Variants in ADGRL3 observed in about 807,000 individuals in gnomAD.
The protein encoded by ADGRL3 is calcium-independent alpha-latrotoxin receptor 3.
Under a neutral mutation model 153.5 loss-of-function variants are expected in ADGRL3, and 62 were observed. The observed-to-expected ratio is 0.40, with a 90% CI of 0.33 to 0.50. ADGRL3 has a LOEUF of 0.50. ADGRL3 is among the 20% of genes least tolerant of loss of function. The pLI is 0.47. For synonymous variants in ADGRL3, 710 were observed against 672.5 expected (o/e 1.06, Z -0.86); for missense variants, 1,641 against 1,859.4 (o/e 0.88, Z 2.16).
chr4:61,247,327 A>G (rs1448857970), intron 1 of ADGRL3, among the ~76,000 whole-genome samples: 1 of 152,094 alleles, frequency 6.6e-6, no homozygotes, highest in Non-Finnish European at 1.5e-5. Context: ...CTGCCTGTGT[A>G]TGTTCTCCTA....
intron 18 of ADGRL3, among the ~76,000 whole-genome samples, chr4:61,982,071 G>C (rs935078296): frequency 3.9e-5 from 6 of 152,118 alleles, no homozygotes; most frequent in African/African-American, 1.2e-4. Flanking sequence ...ATGGAAAATT[G>C]TGTTATTTTC....
intron 1 of ADGRL3, among the ~76,000 whole-genome samples, chr4:61,306,742 C>T (rs1390174352): frequency 6.6e-6 from 1 of 152,118 alleles, no homozygotes; most frequent in Non-Finnish European, 1.5e-5. Flanking sequence ...CAATTTTATA[C>T]AACTATGCAA....
At chr4:61,418,157 A>T (rs1025228187) in intron 2 of ADGRL3, among the ~76,000 whole-genome samples, 1 of 152,224 alleles carries the variant, frequency 6.6e-6, no homozygotes, top group Non-Finnish European at 1.5e-5. Context: ...ATTTCATGTA[A>T]GATTGCTACC....
At chr4:61,906,550 T>C (rs973481472) in intron 11 of ADGRL3, 4 of 152,146 alleles carry the variant, frequency 2.6e-5, no homozygotes, top group African/African-American at 4.8e-5. Flanking sequence ...TGTGGGATTA[T>C]TTCTTGTGGT....
intron 21 of ADGRL3, among the ~76,000 whole-genome samples, chr4:62,001,834 G>A (rs951767186): frequency 2.6e-5 from 4 of 152,044 alleles, no homozygotes; most frequent in Non-Finnish European, 4.4e-5. Context: ...AAAAATGTTT[G>A]TAAAATGGTG....
chr4:61,786,139 C>T (rs147006184), intron 8 of ADGRL3, among the ~76,000 whole-genome samples: 1 of 152,296 alleles, frequency 6.6e-6, no homozygotes, highest in African/African-American at 2.4e-5. Context: ...CATGTTTCCA[C>T]TGAACCATAC....
intron 1 of ADGRL3, among the ~76,000 whole-genome samples, chr4:61,365,258 A>G (rs2096374247): frequency 6.6e-6 from 1 of 152,198 alleles, no homozygotes. Flanking sequence ...TTACAAAAAA[A>G]AAAAATTGAA....
At chr4:61,647,167 G>A (rs956131671) in intron 5 of ADGRL3, among the ~76,000 whole-genome samples, 6 of 152,008 alleles carry the variant, frequency 3.9e-5, no homozygotes, top group Admixed American at 6.6e-5. Context: ...ACTGGCCTGC[G>A]CCCACTGTCT....
chr4:61,498,614 A>G (rs2152815604), intron 3 of ADGRL3, among the ~76,000 whole-genome samples: 1 of 152,276 alleles, frequency 6.6e-6, no homozygotes, highest in South Asian at 2.1e-4. Context: ...CTTTTTAAAG[A>G]AAGGTGTGAT....
intron 25 of ADGRL3, among the ~76,000 whole-genome samples, chr4:62,054,152 A>T (rs1004376631): frequency 1.3e-5 from 2 of 151,644 alleles, no homozygotes; most frequent in African/African-American, 2.4e-5. Context: ...ACTGTGGTTT[A>T]CTGCTATTTT....
At chr4:61,840,814 T>G (rs2098019087) in intron 9 of ADGRL3, among the ~76,000 whole-genome samples, 1 of 152,182 alleles carries the variant, frequency 6.6e-6, no homozygotes. Context: ...TCTGAATGAT[T>G]TATCAAAACA....
At chr4:61,874,785 T>C (rs1316975595) in intron 9 of ADGRL3, among the ~76,000 whole-genome samples, 1 of 121,900 alleles carries the variant, frequency 8.2e-6, no homozygotes, top group Non-Finnish European at 1.6e-5. Flanking sequence ...GACATCAAAA[T>C]GCTCTTTTTT....
intron 14 of ADGRL3, among the ~76,000 whole-genome samples, chr4:61,935,401 A>G (rs1000131390): frequency 7.2e-5 from 11 of 152,164 alleles, no homozygotes; most frequent in African/African-American, 2.7e-4. Flanking sequence ...TTCACATTAT[A>G]AAGAAATAAG....
chr4:61,550,786 T>C (rs896102600), intron 4 of ADGRL3, among the ~76,000 whole-genome samples: 1 of 152,028 alleles, frequency 6.6e-6, no homozygotes, highest in Non-Finnish European at 1.5e-5. Flanking sequence ...GTGAAGTGAA[T>C]TGATTTGGAG....
At chr4:61,784,241 T>C (rs1023599874) in intron 8 of ADGRL3, among the ~76,000 whole-genome samples, 1 of 152,106 alleles carries the variant, frequency 6.6e-6, no homozygotes, top group Admixed American at 6.6e-5. Flanking sequence ...AATCAAATGG[T>C]TTTGAACAGC....
chr4:61,666,520 A>G (rs1283950299), intron 5 of ADGRL3, among the ~76,000 whole-genome samples: 1 of 144,248 alleles, frequency 6.9e-6, no homozygotes, highest in African/African-American at 2.6e-5. Flanking sequence ...ATTGAAGTAT[A>G]ATGAATTAAA....
At chr4:61,375,547 T>C (rs926740951) in intron 1 of ADGRL3, among the ~76,000 whole-genome samples, 3 of 152,160 alleles carry the variant, frequency 2.0e-5, no homozygotes, top group African/African-American at 7.2e-5. Context: ...GGTTAGATTT[T>C]GGTATGTTTA....
chr4:61,237,298 A>G (rs1753212123), intron 1 of ADGRL3, among the ~76,000 whole-genome samples: 1 of 152,176 alleles, frequency 6.6e-6, no homozygotes, highest in Non-Finnish European at 1.5e-5. Flanking sequence ...TATTTTATCC[A>G]TACATAAGTG....
Position 61,935,008 on chromosome 4 carries a change from A to G in ADGRL3, c.2281A>G (p.Asn761Asp). 1 of 1,613,644 alleles carries G rather than the reference A, an allele frequency of 6.2e-7. No individual in the cohort carries two copies. Among genetic ancestry groups the G allele is most frequent in the African/African-American group, 1.3e-5 (1 of 75,006 alleles). The change falls in exon 14 of 27, where the codon AAT (asparagine) becomes GAT (aspartate). Residue 761 changes from asparagine (N) to aspartate (D), a missense_variant. Around this residue, in one of 5 missense-constraint regions of ADGRL3, gnomAD observed 734 missense variants for 797.0 expected, o/e 0.92. Transcript: ENST00000683033. ...NLLKTDIVRE[N>D]TDNIKLEVAR... Reference sequence around the variant, plus strand: ...TTTGAAGACTGACATTGTCAGGGAGAATACAGACAATATTAGTAAGTGGCC... The same window carrying G: ...TTTGAAGACTGACATTGTCAGGGAGGATACAGACAATATTAGTAAGTGGCC...
Sources: gnomAD v4.1 joint callset for allele counts (sites outside exome capture counted in the v4.1 genomes callset) on GRCh38, gnomAD v4.1.1 for gene constraint, gnomAD v4.1.1 regional missense constraint, MANE v1.5 for transcripts, NCBI Gene and HGNC (gene_info 2026-07-23, HGNC 2026-07-21) for gene names.